WDR53: variants seen among roughly 807,000 people sequenced by gnomAD.
The protein encoded by WDR53 is WD repeat-containing protein 53.
Under a neutral mutation model 21.3 loss-of-function variants are expected in WDR53, and 19 were observed. That is an observed-to-expected ratio of 0.89 (90% CI 0.62 to 1.31). The LOEUF (loss-of-function observed/expected upper bound fraction) is 1.31. WDR53 is among the 50% of genes most tolerant of loss of function. The probability of loss-of-function intolerance (pLI) is 0.00; values close to 1 mark genes in which losing one functional copy is unlikely to be tolerated. For missense variants in WDR53, 374 were observed against 423.2 expected (o/e 0.88, Z 1.02); for synonymous variants, 157 against 163.4 (o/e 0.96, Z 0.30).
rs1577577597 is a variant in WDR53, at chr3:196,563,861, C to T, written c.-16-2370G>A. Among the ~76,000 whole-genome samples the T allele has an allele frequency of 2.6e-5, 4 of 152,136 alleles. 1 individual carries two copies. The South Asian group carries it at 8.3e-4, about 31-fold the overall frequency. ...TGCTGGGATTATAGGCGTGCGTCAC[C>T]GCACCCAGCCTCCCCCTACTTTTAG... On this transcript the variant is annotated intron_variant, in intron 2 of 3. Transcript: ENST00000332629.
chr3:196,559,324 G>A (rs1163808102), intron 3 of WDR53, among the ~76,000 whole-genome samples: 1 of 152,198 alleles, frequency 6.6e-6, no homozygotes, highest in African/African-American at 2.4e-5. Flanking sequence ...GGAAGATAGA[G>A]GTTGTAGGGT....
intron 2 of WDR53, among the ~76,000 whole-genome samples, chr3:196,562,067 C>T (rs1428723788): frequency 6.6e-6 from 1 of 152,156 alleles, no homozygotes; most frequent in Non-Finnish European, 1.5e-5. Context: ...GCTATTGTTA[C>T]TTTTTCGATT....
chr3:196,567,778 TGTGTGTGTGA>T (rs1179629151), intron 1 of WDR53, among the ~76,000 whole-genome samples: 3 of 151,206 alleles, frequency 2.0e-5, no homozygotes, highest in African/African-American at 7.4e-5. Flanking sequence ...TGTGTGTGTG[TGTGTGTGTGA>T]GGTAGGGGCT....
At chr3:196,558,156 T>C (rs1734509275) in intron 3 of WDR53, among the ~76,000 whole-genome samples, 1 of 152,162 alleles carries the variant, frequency 6.6e-6, no homozygotes, top group African/African-American at 2.4e-5. Context: ...CTCACGTGTC[T>C]TAAAGAACCA....
intron 3 of WDR53, among the ~76,000 whole-genome samples, chr3:196,557,520 T>C (rs1734437262): frequency 6.6e-6 from 1 of 152,200 alleles, no homozygotes; most frequent in Admixed American, 6.5e-5. Context: ...CCAGCCTGGA[T>C]GACAAAGACC....
At chr3:196,557,031 G>A (rs1165211923) in intron 3 of WDR53, among the ~76,000 whole-genome samples, 1 of 152,110 alleles carries the variant, frequency 6.6e-6, no homozygotes, top group African/African-American at 2.4e-5. Context: ...TCAACCAGCT[G>A]TTCAAGCAGT....
intron 2 of WDR53, among the ~76,000 whole-genome samples, chr3:196,566,406 G>A (rs1735396050): frequency 6.6e-6 from 1 of 150,378 alleles, no homozygotes; most frequent in Non-Finnish European, 1.5e-5. Context: ...TATTTTGAGA[G>A]CATTTTTTTC....
chr3:196,557,782 TTC>T (rs1734467343), intron 3 of WDR53, among the ~76,000 whole-genome samples: 4 of 124,798 alleles, frequency 3.2e-5, no homozygotes, highest in African/African-American at 1.2e-4. Flanking sequence ...TTTTTTTCTT[TTC>T]TTTTTTTTTT....
At chr3:196,562,842 TTTTG>T (rs1735009577) in intron 2 of WDR53, among the ~76,000 whole-genome samples, 1 of 152,160 alleles carries the variant, frequency 6.6e-6, no homozygotes, top group Non-Finnish European at 1.5e-5. Context: ...AATGTTTTGT[TTTTG>T]TTTTGAGACA....
In WDR53 at chr3:196,554,728, C is replaced by T. The variant is rs764040324; in HGVS notation, c.560G>A (p.Gly187Asp). Residue 187 changes from glycine to aspartate, a missense_variant, in exon 4 of 4, where the codon GGC (glycine) becomes GAC (aspartate). Gly to Asp is a moderately conservative substitution (Grantham distance 94, BLOSUM62 -1). Coordinates refer to ENST00000332629, the MANE Select transcript of WDR53 (RefSeq NM_182627.3). ...TAAGAGCTGACCAGGTGACTGTGGG[C>T]CTTCCATTTCTTCTGTTTCATCCTC... ...LQEDETEEMEGPQSPGQLLNP... is the reference protein window; with the variant it reads ...LQEDETEEMEDPQSPGQLLNP... 2 of 1,614,108 alleles carry T rather than the reference C, an allele frequency of 1.2e-6. No individual in the cohort carries two copies. Among genetic ancestry groups the T allele is most frequent in the South Asian group, 1.1e-5 (1 of 91,082 alleles).
Position 196,567,311 on chromosome 3 carries a change from G to C in WDR53, c.-447-4C>G, listed in dbSNP as rs937334118. 9.1e-5 allele frequency: 41 copies of C among 448,704 alleles called. No homozygotes were observed. Among genetic ancestry groups the C allele is most frequent in the Non-Finnish European group, 3.1e-5 (7 of 223,924 alleles). 27.8% of individuals were successfully genotyped at this position (448,704 alleles called of 1,614,324 possible). A position where few individuals can be genotyped will look rare whatever the true frequency, so the allele number is the denominator to read the frequency against. ...TTGAAGGGCTGTGGCGCTGGCACTGGTAAGAATGAAAAGAATTAGGGTTAC... is the reference window on the plus strand; with the variant it reads ...TTGAAGGGCTGTGGCGCTGGCACTGCTAAGAATGAAAAGAATTAGGGTTAC... On this transcript the variant is annotated splice_region_variant and splice_polypyrimidine_tract_variant and intron_variant, in intron 1 of 3. Coordinates refer to ENST00000332629, the MANE Select transcript of WDR53 (RefSeq NM_182627.3).
At chr3:196,558,279 C>T (rs1734521397) in intron 3 of WDR53, among the ~76,000 whole-genome samples, 1 of 152,136 alleles carries the variant, frequency 6.6e-6, no homozygotes, top group South Asian at 2.1e-4. Context: ...GATCATGGCT[C>T]ACTACAACCT....
intron 2 of WDR53, among the ~76,000 whole-genome samples, chr3:196,563,580 T>C (rs983916695): frequency 6.6e-6 from 1 of 152,088 alleles, no homozygotes; most frequent in Admixed American, 6.5e-5. Context: ...CAAAGCTTTT[T>C]TTTTTTTTTG....
chr3:196,556,022 G>A (rs1303509644), intron 3 of WDR53, among the ~76,000 whole-genome samples: 2 of 151,950 alleles, frequency 1.3e-5, no homozygotes, highest in African/African-American at 2.4e-5. Context: ...AATATAACAC[G>A]AAGGAGTGCT....
chr3:196,562,709 T>C (rs1375699960), intron 2 of WDR53, among the ~76,000 whole-genome samples: 1 of 152,214 alleles, frequency 6.6e-6, no homozygotes, highest in African/African-American at 2.4e-5. Context: ...GTTATCTAAT[T>C]TTATCTCAAA....
intron 3 of WDR53, 28 bp downstream of exon 3, chr3:196,560,968 C>T: frequency 6.4e-7 from 1 of 1,567,696 alleles, no homozygotes; most frequent in Non-Finnish European, 8.6e-7. Flanking sequence ...CTTAGAAATT[C>T]CCCAAGTACT....
At chr3:196,562,259 GTTGTT>G (rs1221636232) in intron 2 of WDR53, among the ~76,000 whole-genome samples, 5 of 152,038 alleles carry the variant, frequency 3.3e-5, no homozygotes, top group African/African-American at 4.8e-5. Context: ...TTTTGTTGTT[GTTGTT>G]TTGTTTTGTT....
Position 196,563,575 on chromosome 3 carries a change from C to CTTTTTTTTTTTTTTTT in WDR53, c.-16-2085_-16-2084insAAAAAAAAAAAAAAAA, listed in dbSNP as rs11332529. Among the ~76,000 whole-genome samples the CTTTTTTTTTTTTTTTT allele has an allele frequency of 9.8e-4, 141 of 143,610 alleles. 1 individual carries two copies. The highest frequency in any genetic ancestry group is 3.5e-3 in the African/African-American group (132 of 38,136). 94.2% of individuals were successfully genotyped at this position (143,610 alleles called of 152,430 possible). Reference sequence around the variant, plus strand: ...CAAAGTTTCCATTCCCAACACAAAGCTTTTTTTTTTTTTTGAGACGGAGTC... The same window carrying CTTTTTTTTTTTTTTTT: ...CAAAGTTTCCATTCCCAACACAAAGCTTTTTTTTTTTTTTTTTTTTTTTTTTTTTTGAGACGGAGTC... On this transcript the variant is annotated intron_variant, in intron 2 of 3. Transcript: ENST00000332629.
intron 3 of WDR53, among the ~76,000 whole-genome samples, chr3:196,559,737 C>CTTT (rs1354523253): frequency 6.6e-6 from 1 of 152,174 alleles, no homozygotes; most frequent in Non-Finnish European, 1.5e-5. Context: ...AACCAAGAAA[C>CTTT]TTTTCTGTGA....
Sources: allele counts gnomAD v4.1 joint callset (sites outside exome capture counted in the v4.1 genomes callset), GRCh38; gene constraint gnomAD v4.1.1; transcripts MANE v1.5; gene names NCBI Gene and HGNC (gene_info 2026-07-23, HGNC 2026-07-21).